Variants in ZFHX3 observed in about 807,000 individuals in gnomAD.
ZFHX3 encodes zinc finger homeobox protein 3.
ZFHX3 carries 42 observed loss-of-function variants against 279.1 expected under a neutral mutation model. That is an observed-to-expected ratio of 0.15 (90% CI 0.12 to 0.19). The LOEUF (loss-of-function observed/expected upper bound fraction) is 0.19. Among genes scored for constraint, ZFHX3 ranks in the 10% least tolerant of loss-of-function variants. The probability of loss-of-function intolerance (pLI) is 1.00; values close to 1 mark genes in which losing one functional copy is unlikely to be tolerated. For synonymous variants in ZFHX3, 2,293 were observed against 1,957.8 expected (o/e 1.17, Z -4.52); for missense variants, 4,981 against 4,754.0 (o/e 1.05, Z -1.40).
chr16:73,274,129 G>T (rs1024326854), intron 4 of ZFHX3, among the ~76,000 whole-genome samples: 2 of 152,122 alleles, frequency 1.3e-5, no homozygotes, highest in Non-Finnish European at 2.9e-5. Flanking sequence ...GGGTAACTGA[G>T]TGAAACTCTG....
chr16:73,715,749 C>T (rs2053408585), intron 1 of ZFHX3, among the ~76,000 whole-genome samples: 1 of 151,344 alleles, frequency 6.6e-6, no homozygotes, highest in Non-Finnish European at 1.5e-5. Context: ...TTTTTTTGTA[C>T]TTTTAGTTGA....
intron 4 of ZFHX3, among the ~76,000 whole-genome samples, chr16:72,876,838 G>A (rs960557023): frequency 5.9e-5 from 9 of 152,090 alleles, no homozygotes; most frequent in African/African-American, 2.2e-4. Flanking sequence ...AGGTGTGGTT[G>A]AAACATTCTT....
At chr16:73,788,623 AC>A (rs1213066913) in intron 1 of ZFHX3, among the ~76,000 whole-genome samples, 2 of 152,168 alleles carry the variant, frequency 1.3e-5, no homozygotes, top group African/African-American at 4.8e-5. Flanking sequence ...CACGCAGACA[AC>A]TAGTAACAAC....
intron 1 of ZFHX3, among the ~76,000 whole-genome samples, chr16:73,038,048 G>A (rs1160678417): frequency 1.6e-4 from 24 of 152,176 alleles, no homozygotes; most frequent in Admixed American, 1.6e-3. Flanking sequence ...TCGGCCATTA[G>A]TATTCCATTT....
At chr16:73,439,909 C>CAAAAAAAAAAAAAAAAAAAAAAAAAA (rs71156164) in intron 3 of ZFHX3, among the ~76,000 whole-genome samples, 1 of 75,446 alleles carries the variant, frequency 1.3e-5, no homozygotes, top group Non-Finnish European at 2.2e-5. Flanking sequence ...GGGAGAGGGA[C>CAAAAAAAAAAAAAAAAAAAAAAAAAA]AAAAAAAAAA....
intron 7 of ZFHX3, among the ~76,000 whole-genome samples, chr16:73,117,447 G>T (rs1966445788): frequency 6.6e-6 from 1 of 152,126 alleles, no homozygotes; most frequent in African/African-American, 2.4e-5. Flanking sequence ...TAGAGATTTG[G>T]GGCCAGAAAG....
At chr16:73,134,958 A>C (rs1966763660) in intron 6 of ZFHX3, among the ~76,000 whole-genome samples, 1 of 152,154 alleles carries the variant, frequency 6.6e-6, no homozygotes, top group African/African-American at 2.4e-5. Context: ...AATAGAGAGG[A>C]GATGCAATCA....
At chr16:73,456,433 A>T (rs2018372852) in intron 2 of ZFHX3, among the ~76,000 whole-genome samples, 2 of 152,142 alleles carry the variant, frequency 1.3e-5, no homozygotes, top group Admixed American at 6.5e-5. Context: ...CACTACCCAA[A>T]GCAAAAAGAC....
Position 72,835,920 on chromosome 16 carries a change from A to C in ZFHX3, c.3449-6061T>G, listed in dbSNP as rs1432481905. ...TCTACTGGCTGCAAATATTCTACAG[A>C]ATATGCAGGCTTTATTTTGCAAATA... is the stretch of plus-strand genomic sequence containing the variant. On this transcript the variant is annotated intron_variant, in intron 4 of 9. Coordinates refer to ENST00000268489, the MANE Select transcript of ZFHX3 (RefSeq NM_006885.4). Among the ~76,000 whole-genome samples the C allele has an allele frequency of 2.0e-5, 3 of 152,342 alleles. No homozygotes were observed. In the East Asian group the frequency reaches 5.8e-4, roughly 29 times the overall value.
chr16:73,875,120 T>C (rs2029907890), intron 1 of ZFHX3, among the ~76,000 whole-genome samples: 1 of 152,214 alleles, frequency 6.6e-6, no homozygotes, highest in South Asian at 2.1e-4. Context: ...TAATAATAAA[T>C]CTAGGTTGTT....
At chr16:72,944,588 T>TA (rs1960571656) in intron 3 of ZFHX3, among the ~76,000 whole-genome samples, 1 of 152,052 alleles carries the variant, frequency 6.6e-6, no homozygotes, top group Non-Finnish European at 1.5e-5. Context: ...CATGCAAAAA[T>TA]AAAAATCCAT....
chr16:73,153,138 C>T (rs112760867), intron 5 of ZFHX3, among the ~76,000 whole-genome samples: 75 of 152,188 alleles, frequency 4.9e-4, no homozygotes, highest in African/African-American at 1.8e-3. Context: ...CCACCCCAAA[C>T]CACTTGCCAA....
At chr16:72,837,474 ATTTTTT>A (rs761762599) in intron 4 of ZFHX3, among the ~76,000 whole-genome samples, 1 of 125,194 alleles carries the variant, frequency 8.0e-6, no homozygotes, top group East Asian at 2.5e-4. Context: ...TCCAATGATG[ATTTTTT>A]TTTTTTTTTT....
intron 5 of ZFHX3, among the ~76,000 whole-genome samples, chr16:73,152,845 G>A (rs1052108724): frequency 5.9e-5 from 9 of 151,618 alleles, no homozygotes; most frequent in South Asian, 2.1e-4. Flanking sequence ...GGGAGTAATC[G>A]CGAGAAGAGA....
rs374835973 is a variant in ZFHX3 at position 73,889,895 on chromosome 16, T to C, written c.-1608+1756A>G. ...TGAATAAAATTATCCAATTAGGAAATCCATTTAAAGTCCTTAACAATAACA... is the reference window on the plus strand; with the variant it reads ...TGAATAAAATTATCCAATTAGGAAACCCATTTAAAGTCCTTAACAATAACA... On this transcript the variant is annotated intron_variant, in intron 1 of 17. Coordinates refer to the ZFHX3 transcript ENST00000641206. Among the ~76,000 whole-genome samples, 14 of 152,322 alleles carry C rather than the reference T, an allele frequency of 9.2e-5. 2 individuals carry two copies. The highest frequency in any genetic ancestry group is 1.9e-4 in the East Asian group (1 of 5,184).
chr16:73,716,096 C>G (rs9926019), intron 1 of ZFHX3, among the ~76,000 whole-genome samples: 128,132 of 152,050 alleles, frequency 0.84, 55,755 homozygotes, highest in Non-Finnish European at 0.95. Flanking sequence ...TTAAGTTTTA[C>G]GCTCCTCCTG....
At chr16:73,315,872 C>G (rs929875150) in intron 4 of ZFHX3, among the ~76,000 whole-genome samples, 1 of 152,120 alleles carries the variant, frequency 6.6e-6, no homozygotes, top group Admixed American at 6.5e-5. Context: ...TATTTTCAGC[C>G]CCCCTGGGAG....
chr16:73,502,014 C>T (rs965181982), intron 2 of ZFHX3, among the ~76,000 whole-genome samples: 5 of 151,180 alleles, frequency 3.3e-5, no homozygotes, highest in South Asian at 2.1e-4. Flanking sequence ...CCCACAGCAG[C>T]GGGTTGTCTC....
intron 5 of ZFHX3, among the ~76,000 whole-genome samples, chr16:73,256,346 G>C (rs1421623793): frequency 6.6e-6 from 1 of 152,160 alleles, no homozygotes; most frequent in African/African-American, 2.4e-5. Context: ...TCTATTTGTA[G>C]TTTCTGCCAG....
Sources: allele counts gnomAD v4.1 joint callset (sites outside exome capture counted in the v4.1 genomes callset), GRCh38; gene constraint gnomAD v4.1.1; transcripts MANE v1.5; gene names NCBI Gene and HGNC (gene_info 2026-07-23, HGNC 2026-07-21).